PRDM2: variants seen among roughly 807,000 people sequenced by gnomAD.
PRDM2 encodes PR/SET domain 2.
PRDM2 carries 30 observed loss-of-function variants against 130.0 expected under a neutral mutation model. The ratio of observed to expected loss-of-function variants is 0.23; its 90% CI spans 0.17 to 0.31. The LOEUF (loss-of-function observed/expected upper bound fraction) is 0.31, where lower values mean the gene tolerates loss of function less well. Among genes scored for constraint, PRDM2 ranks in the 10% least tolerant of loss-of-function variants. PRDM2 has a pLI of 1.00. For synonymous variants in PRDM2, 871 were observed against 782.4 expected, an observed-to-expected ratio of 1.11 and a Z score of -1.89; for missense variants, 2,011 against 2,108.4, an observed-to-expected ratio of 0.95 and a Z score of 0.90.
rs886240279 is a variant in PRDM2, at chr1:13,740,877, C to T, written c.232-1128C>T. On this transcript the variant is annotated intron_variant, in intron 4 of 9. Coordinates refer to ENST00000311066, the MANE Select transcript of PRDM2 (RefSeq NM_001393986.1). ...AGAAGAGCAGCATCCTCACCATCAG[C>T]GGGGGGAGTGGGAGCTTTGTTCCAG... Among the ~76,000 whole-genome samples the T allele has an allele frequency of 3.9e-5, 6 of 152,066 alleles. No individual in the cohort carries two copies. In the South Asian group the frequency reaches 8.3e-4, roughly 21 times the overall value.
intron 1 of PRDM2, among the ~76,000 whole-genome samples, chr1:13,700,582 G>A (rs1195214345): frequency 6.6e-6 from 1 of 151,126 alleles, no homozygotes; most frequent in Non-Finnish European, 1.5e-5. Flanking sequence ...TCGGTTTGTC[G>A]CCGTGAAGAG....
intron 5 of PRDM2, among the ~76,000 whole-genome samples, chr1:13,745,527 C>T (rs934110016): frequency 8.6e-5 from 13 of 151,336 alleles, no homozygotes; most frequent in African/African-American, 2.2e-4. Context: ...CAGGTTCAAG[C>T]GATTCTTCTG....
Position 13,819,179 on chromosome 1 carries a change from G to A in PRDM2, c.*23+2609G>A, listed in dbSNP as rs149837306. 5.9e-5 allele frequency among the ~76,000 whole-genome samples: 9 copies of A among 152,322 alleles called. No homozygotes were observed. The East Asian group carries it at 1.7e-3, about 29-fold the overall frequency. On this transcript the variant is annotated intron_variant, in intron 9 of 9. Coordinates refer to ENST00000311066, the MANE Select transcript of PRDM2 (RefSeq NM_001393986.1). ...TCTCTGCAGCCGGAGGGAGAGCCAG[G>A]TGCAGCTGGGCTGGCTTCCTAAACA...
intron 8 of PRDM2, among the ~76,000 whole-genome samples, chr1:13,796,577 G>A (rs929154226): frequency 1.3e-5 from 2 of 152,218 alleles, no homozygotes; most frequent in South Asian, 2.1e-4. Context: ...GCAACATAGT[G>A]AGACCCCATC....
At chr1:13,736,909 A>C in intron 4 of PRDM2, among the ~76,000 whole-genome samples, 1 of 152,246 alleles carries the variant, frequency 6.6e-6, no homozygotes, top group East Asian at 1.9e-4. Flanking sequence ...GTAGAATTGC[A>C]TGTCAGTTAA....
In PRDM2 at chr1:13,773,157, C is replaced by T. The variant is rs375465819; in HGVS notation, c.591C>T (p.Phe197=). The T allele has an allele frequency of 4.5e-6, 7 of 1,571,022 alleles. No homozygotes were observed. Among genetic ancestry groups the T allele is most frequent in the African/African-American group, 2.7e-5 (2 of 72,988 alleles). ...DIQLKTSEPD[F]TSANMRDSAE... is the part of the protein sequence containing the mutation. ...AACTGAAGACAAGTGAGCCAGATTT[C>T]ACCTCTGCAAATATGAGAGATTCTG... The change falls in exon 7 of 10, where the codon TTC becomes TTT. Residue 197 remains phenylalanine, a synonymous_variant. Transcript: ENST00000311066.
chr1:13,786,760 GA>G (rs1644750688), intron 8 of PRDM2: 72 of 1,383,458 alleles, frequency 5.2e-5, no homozygotes, highest in Non-Finnish European at 6.7e-5. Flanking sequence ...GATCCAAAGA[GA>G]AGGGCACTGT....
At chr1:13,785,828 T>G (rs555702077) in intron 8 of PRDM2, among the ~76,000 whole-genome samples, 123 of 150,392 alleles carry the variant, frequency 8.2e-4, no homozygotes, top group Non-Finnish European at 1.2e-3. Context: ...ACGGTGTTTT[T>G]GGGTTCTTTT....
At chr1:13,709,299 A>G (rs1642298810) in intron 1 of PRDM2, among the ~76,000 whole-genome samples, 1 of 152,222 alleles carries the variant, frequency 6.6e-6, no homozygotes, top group African/African-American at 2.4e-5. Context: ...ATTTTCTACA[A>G]CAAATTTCAA....
chr1:13,810,041 C>G (rs1645146167), intron 8 of PRDM2, among the ~76,000 whole-genome samples: 1 of 152,164 alleles, frequency 6.6e-6, no homozygotes, highest in Non-Finnish European at 1.5e-5. Flanking sequence ...ATGTCCCATC[C>G]TCATGACCTC....
At chr1:13,740,189 AG>A (rs1328244521) in intron 4 of PRDM2, among the ~76,000 whole-genome samples, 1 of 152,254 alleles carries the variant, frequency 6.6e-6, no homozygotes, top group Non-Finnish European at 1.5e-5. Context: ...CCTGAGAGCC[AG>A]GAAGTTGTGG....
At chr1:13,816,621 G>C in intron 9 of PRDM2, 51 bp downstream of exon 9, 4 of 1,599,242 alleles carry the variant, frequency 2.5e-6, no homozygotes, top group Non-Finnish European at 2.6e-6. Flanking sequence ...GGGTCAAGGG[G>C]GTGTGGGCTT....
intron 6 of PRDM2, among the ~76,000 whole-genome samples, chr1:13,757,001 A>T (rs530274631): frequency 6.6e-6 from 1 of 152,350 alleles, no homozygotes; most frequent in South Asian, 2.1e-4. Context: ...TCTAAGTAGG[A>T]CAGTTATACT....
intron 8 of PRDM2, chr1:13,787,446 C>A: frequency 1.0e-6 from 1 of 985,198 alleles, no homozygotes; most frequent in Non-Finnish European, 1.2e-6. Context: ...TGGTGGAAAG[C>A]GGCTAGGTTT....
At chr1:13,823,092 T>G in intron 9 of PRDM2, 67 bp from the exon 10 acceptor site, 3 of 1,462,226 alleles carry the variant, frequency 2.1e-6, no homozygotes, top group Non-Finnish European at 2.8e-6. Flanking sequence ...CAATAACGCA[T>G]GGACCACCAT....
At position 13,781,371 on chromosome 1, in the gene PRDM2, G is replaced by T. The variant is rs763981507; in HGVS notation, c.3576G>T (p.Val1192=). ...TTCATGGAGTTGGGAATATCTTTGT[G>T]TGTTCTGTTTGTAAAAAAGAATTTG... is the stretch of plus-strand genomic sequence containing the variant. ...FLLHGVGNIF[V]CSVCKKEFAF... is the part of the protein sequence containing the mutation. The change falls in exon 8 of 10, where the codon GTG becomes GTT. Residue 1192 remains valine (V), a synonymous_variant. Transcript: ENST00000311066. The surrounding 1 kb of genome is among the most constrained non-coding windows in gnomAD (Gnocchi z 6.1). 6.2e-7 allele frequency: 1 copy of T among 1,614,146 alleles called. No individual in the cohort carries two copies. Among genetic ancestry groups the T allele is most frequent in the Non-Finnish European group, 8.5e-7 (1 of 1,180,020 alleles).
chr1:13,817,161 C>T (rs553862613), intron 9 of PRDM2, among the ~76,000 whole-genome samples: 5 of 152,230 alleles, frequency 3.3e-5, no homozygotes, highest in Non-Finnish European at 7.4e-5. Context: ...GAAATACACT[C>T]GAAGGAAATG....
intron 8 of PRDM2, chr1:13,786,899 T>TTAAGGA: frequency 2.9e-6 from 3 of 1,024,728 alleles, no homozygotes; most frequent in Non-Finnish European, 3.5e-6. Flanking sequence ...AAGTTGCCTG[T>TTAAGGA]TTTAGCAGTA....
intron 1 of PRDM2, among the ~76,000 whole-genome samples, chr1:13,707,421 G>A (rs763225768): frequency 6.6e-6 from 1 of 152,236 alleles, no homozygotes; most frequent in African/African-American, 2.4e-5. Flanking sequence ...TTTGGGAATT[G>A]TGAAATGAGC....
Sources: gnomAD v4.1 joint callset for allele counts (sites outside exome capture counted in the v4.1 genomes callset) on GRCh38, gnomAD v4.1.1 for gene constraint, Gnocchi (gnomAD v3.1) non-coding constraint, MANE v1.5 for transcripts, NCBI Gene and HGNC (gene_info 2026-07-23, HGNC 2026-07-21) for gene names.